The following ATP6V0A4 variants were observed in gnomAD, a reference collection of about 807,000 sequenced individuals.
ATP6V0A4 encodes the protein V-type proton ATPase 116 kDa subunit a 4.
A neutral mutation model predicts 107.3 loss-of-function variants in ATP6V0A4; 86 were observed. The observed-to-expected ratio is 0.80, with a 90% CI of 0.67 to 0.96. ATP6V0A4 has a LOEUF of 0.96. ATP6V0A4 is among the 40% of genes least tolerant of loss of function. The probability of loss-of-function intolerance (pLI) is 0.00; values close to 1 mark genes in which losing one functional copy is unlikely to be tolerated. For missense variants in ATP6V0A4, 908 were observed against 1,045.6 expected, an observed-to-expected ratio of 0.87 and a Z score of 1.81; for synonymous variants, 353 against 381.4, an observed-to-expected ratio of 0.93 and a Z score of 0.87.
At chr7:138,712,683 G>C (rs1803805288) in intron 20 of ATP6V0A4, among the ~76,000 whole-genome samples, 1 of 152,114 alleles carries the variant, frequency 6.6e-6, no homozygotes, top group East Asian at 1.9e-4. Flanking sequence ...CTTCTAGAAT[G>C]ACCCAGTGGG....
Position 138,740,037 on chromosome 7 carries a change from G to A in ATP6V0A4, c.1479-404C>T, listed in dbSNP as rs537068498. On this transcript the variant is annotated intron_variant, in intron 14 of 21. Transcript: ENST00000310018. ...TTGAGCCTGGGAGGTCAAGGCTGCA[G>A]TGAGCCATGATTGTACCACTGCACT... Among the ~76,000 whole-genome samples the A allele has an allele frequency of 9.4e-4, 140 of 149,638 alleles. 1 individual carries two copies. Among genetic ancestry groups the A allele is most frequent in the African/African-American group, 3.2e-3 (129 of 40,784 alleles).
At chr7:138,744,849 C>A (rs1005863305) in intron 14 of ATP6V0A4, among the ~76,000 whole-genome samples, 2 of 152,012 alleles carry the variant, frequency 1.3e-5, no homozygotes, top group Non-Finnish European at 2.9e-5. Flanking sequence ...ATTCCAGGCA[C>A]CTGCCACCAC....
At position 138,745,216 on chromosome 7, in the gene ATP6V0A4, G is replaced by T. The variant is rs368301208; in HGVS notation, c.1385C>A (p.Thr462Lys). 6.2e-7 allele frequency: 1 copy of T among 1,614,164 alleles called. No homozygotes were observed. Among genetic ancestry groups the T allele is most frequent in the South Asian group, 1.1e-5 (1 of 91,086 alleles). The change falls in exon 14 of 22, where the codon ACG becomes AAG. Residue 462 changes from threonine (T) to lysine (K), a missense_variant. Thr to Lys is a moderately conservative substitution (Grantham distance 78). Coordinates refer to ENST00000310018, the MANE Select transcript of ATP6V0A4 (RefSeq NM_020632.3). ...ILLMGIFSIYTGLIYNDCFSK... is the reference protein window; with the variant it reads ...ILLMGIFSIYKGLIYNDCFSK... Reference sequence around the variant, plus strand: ...GAAGCAGTCATTGTAGATCAAACCCGTGTAGATGGAGAAGATGCCCATAAG... The same window carrying T: ...GAAGCAGTCATTGTAGATCAAACCCTTGTAGATGGAGAAGATGCCCATAAG...
intron 3 of ATP6V0A4, among the ~76,000 whole-genome samples, chr7:138,770,728 C>T (rs1242343030): frequency 6.6e-6 from 1 of 152,134 alleles, no homozygotes; most frequent in African/African-American, 2.4e-5. Flanking sequence ...CAACTCTGGA[C>T]TCCAGAATAC....
At chr7:138,706,809 G>T in intron 21 of ATP6V0A4, 92 bp from the exon 22 acceptor site, 1 of 1,566,692 alleles carries the variant, frequency 6.4e-7, no homozygotes, top group Non-Finnish European at 8.6e-7. Context: ...GAAGCAGAGC[G>T]TTCGTAAAAT....
In ATP6V0A4 at chr7:138,731,825, G is replaced by A. The variant is rs570275595; in HGVS notation, c.1908+1052C>T. ...GGAGAATCACTTGAACCCAGGAGGC[G>A]GAGGTCGCAATGAGCCAAGATCGTG... On this transcript the variant is annotated intron_variant, in intron 17 of 21. Coordinates refer to ENST00000310018, the MANE Select transcript of ATP6V0A4 (RefSeq NM_020632.3). Among the ~76,000 whole-genome samples the A allele has an allele frequency of 1.6e-4, 25 of 152,044 alleles. 1 individual carries two copies. Among genetic ancestry groups the A allele is most frequent in the South Asian group, 8.3e-4 (4 of 4,818 alleles).
chr7:138,745,117 A>G lies in ATP6V0A4; in HGVS notation c.1478+6T>C, dbSNP rs985957568. On this transcript the variant is annotated splice_donor_region_variant and intron_variant, in intron 14 of 21. Transcript: ENST00000310018. ...GCGACTACACCATCTCTGTCTGTCA[A>G]CTCACTTCCATGTGCCGTTTCTGAA... 6.2e-7 allele frequency: 1 copy of G among 1,610,978 alleles called. No individual in the cohort carries two copies. The highest frequency in any genetic ancestry group is 8.5e-7 in the Non-Finnish European group (1 of 1,177,140).
intron 7 of ATP6V0A4, among the ~76,000 whole-genome samples, chr7:138,761,337 A>G (rs2117312724): frequency 6.6e-6 from 1 of 152,088 alleles, no homozygotes; most frequent in South Asian, 2.1e-4. Flanking sequence ...GTGTCAAAAA[A>G]AAACACACAA....
rs550200091 is a variant in ATP6V0A4, at chr7:138,784,322, A to T, written c.-18+1836T>A. On this transcript the variant is annotated intron_variant, in intron 2 of 21. Coordinates refer to ENST00000310018, the MANE Select transcript of ATP6V0A4 (RefSeq NM_020632.3). ...CACACACACACATATATATATATGT[A>T]TTTTTTTTTTTTTTGAGATGGAGTC... Among the ~76,000 whole-genome samples the T allele has an allele frequency of 3.4e-4, 41 of 122,262 alleles. 1 individual carries two copies. The highest frequency in any genetic ancestry group is 1.3e-3 in the African/African-American group (36 of 27,452). The allele number at this position is 122,262 out of a possible 152,430, so 80.2% of individuals were successfully genotyped here. A position where few individuals can be genotyped will look rare whatever the true frequency, so the allele number is the denominator to read the frequency against.
rs777538832 is a variant in ATP6V0A4 at position 138,718,279 on chromosome 7, GGTGTGTGTGTGTGT to G, written c.2140-2412_2140-2399del. On this transcript the variant is annotated intron_variant, in intron 19 of 21. Coordinates refer to ENST00000310018, the MANE Select transcript of ATP6V0A4 (RefSeq NM_020632.3). ...AGGGAGACGTCCAGGAAGGAATGGC[GGTGTGTGTGTGTGT>G]GTGTGTGTGTGTGTGTGTGTGTGTG... Among the ~76,000 whole-genome samples the G allele has an allele frequency of 9.6e-3, 124 of 12,956 alleles. 8 individuals carry two copies. The highest frequency in any genetic ancestry group is 0.062 in the Middle Eastern group (1 of 16). The allele number at this position is 12,956 out of a possible 152,430, so 8.5% of individuals were successfully genotyped here.
intron 2 of ATP6V0A4, among the ~76,000 whole-genome samples, chr7:138,782,309 T>C (rs529884280): frequency 6.6e-6 from 1 of 152,270 alleles, no homozygotes; most frequent in Admixed American, 6.5e-5. Context: ...TTCACATGTG[T>C]GTGTCTGTGT....
At chr7:138,763,305 T>C (rs1436421698) in intron 5 of ATP6V0A4, among the ~76,000 whole-genome samples, 1 of 152,098 alleles carries the variant, frequency 6.6e-6, no homozygotes, top group African/African-American at 2.4e-5. Context: ...GTTAAGACAT[T>C]TTGGCAAATC....
intron 2 of ATP6V0A4, among the ~76,000 whole-genome samples, chr7:138,774,616 T>TAA (rs1807559222): frequency 6.8e-6 from 1 of 146,236 alleles, no homozygotes; most frequent in African/African-American, 2.5e-5. Context: ...TCTATATATA[T>TAA]AATATATTAT....
chr7:138,718,432 T>G (rs1474946666), intron 19 of ATP6V0A4, among the ~76,000 whole-genome samples: 6 of 93,344 alleles, frequency 6.4e-5, no homozygotes, highest in African/African-American at 2.2e-4. Context: ...CAGTCACGGA[T>G]GTCTGCGGAG....
In ATP6V0A4 at chr7:138,777,634, ACACACAC is replaced by A. The variant is rs1563017266; in HGVS notation, c.-17-6377_-17-6371del. ...CCGTCTCAAAAAAAAAAAAAAAAAT[ACACACAC>A]ACACACACACACACACACACACATA... On this transcript the variant is annotated intron_variant, in intron 2 of 21. Coordinates refer to ENST00000310018, the MANE Select transcript of ATP6V0A4 (RefSeq NM_020632.3). 5.5e-5 allele frequency among the ~76,000 whole-genome samples: 5 copies of A among 91,736 alleles called. No individual in the cohort carries two copies. In the East Asian group the frequency reaches 1.1e-3, roughly 20 times the overall value. 60.2% of individuals were successfully genotyped at this position (91,736 alleles called of 152,430 possible).
chr7:138,733,184 G>T, intron 16 of ATP6V0A4, 91 bp from the exon 17 acceptor site: 1 of 1,553,224 alleles, frequency 6.4e-7, no homozygotes, highest in Non-Finnish European at 8.7e-7. Context: ...AGCACAAAAT[G>T]TTCTATCTTT....
rs201819879 is a variant in ATP6V0A4, at chr7:138,706,687, C to T, written c.2460G>A (p.Gly820=). 6.8e-6 allele frequency: 11 copies of T among 1,613,742 alleles called. No homozygotes were observed. The highest frequency in any genetic ancestry group is 2.7e-5 in the African/African-American group (2 of 74,958). The stretch of plus-strand genomic sequence containing the variant: ...AGAATGGAGAAAACTTGTAACCATC[C>T]CCGACATAGAACTTGTTCTGGAACT... ...WVEFQNKFYV[G]DGYKFSPFSF... Residue 820 remains glycine (G), a synonymous_variant, in exon 22 of 22, where the codon GGG becomes GGA. Transcript: ENST00000310018.
At position 138,754,814 on chromosome 7, in the gene ATP6V0A4, G is replaced by C. The variant is rs147213504; in HGVS notation, c.816+875C>G. Among the ~76,000 whole-genome samples the C allele has an allele frequency of 4.4e-3, 675 of 152,184 alleles. 5 individuals carry two copies. The highest frequency in any genetic ancestry group is 0.015 in the African/African-American group (632 of 41,540). ...GACTAGTGTTTGTATTTTTAGTAGA[G>C]ATGGGGTTTCACCAGTTTGGTCAGG... On this transcript the variant is annotated intron_variant, in intron 10 of 21. Transcript: ENST00000310018.
chr7:138,747,122 C>T (rs528063480), intron 13 of ATP6V0A4, among the ~76,000 whole-genome samples: 1 of 152,022 alleles, frequency 6.6e-6, no homozygotes, highest in South Asian at 2.1e-4. Context: ...CTAATTTTTA[C>T]AGTGATTATG....
Sources: gnomAD v4.1 joint callset for allele counts (sites outside exome capture counted in the v4.1 genomes callset) on GRCh38, gnomAD v4.1.1 for gene constraint, MANE v1.5 for transcripts, NCBI Gene and HGNC (gene_info 2026-07-23, HGNC 2026-07-21) for gene names.